Variants in GSTM4 observed in about 807,000 individuals in gnomAD.
GSTM4 encodes glutathione S-transferase mu 4, also known as GST class-mu 4.
In GSTM4, 27 loss-of-function variants were observed where a neutral mutation model predicts 30.1. The observed-to-expected ratio is 0.90, with a 90% confidence interval of 0.66 to 1.24. GSTM4 has a LOEUF of 1.24. Ranked by LOEUF, GSTM4 falls within the 50% of genes most tolerant of loss-of-function variation. GSTM4 has a pLI of 0.00. For missense variants in GSTM4, 238 were observed against 272.1 expected (o/e 0.87, Z 0.88); for synonymous variants, 94 against 96.2 (o/e 0.98, Z 0.13).
chr1:109,667,443 C>T (rs1257475406), downstream of GSTM4, among the ~76,000 whole-genome samples: 3 of 152,176 alleles, frequency 2.0e-5, no homozygotes, highest in East Asian at 5.8e-4. Flanking sequence ...TCCACCAGCC[C>T]CTGCTCCCCA....
chr1:109,656,988 G>C, intron 2 of GSTM4: 4 of 780,420 alleles, frequency 5.1e-6, no homozygotes, highest in Non-Finnish European at 9.0e-6. Context: ...TGTTTAATTG[G>C]GTTGGGTGTC....
downstream of GSTM4, chr1:109,665,078 T>G (rs1647274596): frequency 1.8e-6 from 2 of 1,118,966 alleles, no homozygotes; most frequent in Non-Finnish European, 2.7e-6. Context: ...GATGCTCAGA[T>G]GGCAGGTAAA....
chr1:109,661,111 C>G, intron 7 of GSTM4, 54 bp from the exon 8 acceptor site: 2 of 1,604,588 alleles, frequency 1.2e-6, no homozygotes, highest in Non-Finnish European at 1.7e-6. Context: ...GGGGTTGTCC[C>G]AGCCCTCATG....
Position 109,656,762 on chromosome 1 carries a change from G to A in GSTM4, c.87G>A (p.Glu29=). Residue 29 remains glutamate, a synonymous_variant, in exon 2 of 8, where the codon GAG becomes GAA. Transcript: ENST00000369836. ...LLLEYTDSSY[E]EKKYTMGDAP... is the part of the protein sequence containing the mutation. The stretch of plus-strand genomic sequence containing the variant: ...TGGAATACACAGACTCAAGCTACGA[G>A]GAAAAGAAGTATACGATGGGGGACG... 2 of 1,614,082 alleles carry A rather than the reference G, an allele frequency of 1.2e-6. No homozygotes were observed. Among genetic ancestry groups the A allele is most frequent in the Non-Finnish European group, 1.7e-6 (2 of 1,179,994 alleles).
intron 5 of GSTM4, 71 bp from the exon 6 acceptor site, chr1:109,658,743 C>G: frequency 6.3e-6 from 7 of 1,118,860 alleles, no homozygotes; most frequent in Non-Finnish European, 9.6e-6. Context: ...GGGCCATACA[C>G]AGCCCTGGGG....
intron 3 of GSTM4, 35 bp from the exon 4 acceptor site, chr1:109,657,555 C>T: frequency 6.2e-7 from 1 of 1,614,182 alleles, no homozygotes; most frequent in Non-Finnish European, 8.5e-7. Flanking sequence ...AGCCTGCTGG[C>T]CCAACTGAGC....
At position 109,659,011 on chromosome 1, in the gene GSTM4, A is replaced by G. The variant is rs140405674; in HGVS notation, c.468A>G (p.Val156=). Residue 156 remains valine (V), a synonymous_variant, in exon 7 of 8, where the codon GTA becomes GTG. Coordinates refer to ENST00000369836, the MANE Select transcript of GSTM4 (RefSeq NM_000850.5). ...PWFVGDKITF[V]DFLAYDVLDL... ...TTGGCCTTCTGCAGATCACCTTTGT[A>G]GATTTCCTCGCCTATGATGTCCTTG... The G allele has an allele frequency of 2.0e-5, 33 of 1,614,094 alleles. 1 individual carries two copies. The highest frequency in any genetic ancestry group is 1.2e-4 in the African/African-American group (9 of 74,934).
chr1:109,656,399 A>G lies in GSTM4; in HGVS notation c.10A>G (p.Thr4Ala), dbSNP rs759039447. The change falls in exon 1 of 8, where the codon ACA becomes GCA. Residue 4 changes from threonine (T) to alanine (A), a missense_variant. Thr to Ala is a moderately conservative substitution (Grantham distance 58). Coordinates refer to ENST00000369836, the MANE Select transcript of GSTM4 (RefSeq NM_000850.5). ...GACACCAACCAGCATCATGTCCATGACACTGGGGTACTGGGACATCCGCGG... is the reference window on the plus strand; with the variant it reads ...GACACCAACCAGCATCATGTCCATGGCACTGGGGTACTGGGACATCCGCGG... MSM[T>A]LGYWDIRGLA... 4 of 1,613,572 alleles carry G rather than the reference A, an allele frequency of 2.5e-6. No homozygotes were observed. The highest frequency in any genetic ancestry group is 3.3e-5 in the Admixed American group (2 of 60,006).
At chr1:109,656,609 G>C in intron 1 of GSTM4, 103 bp from the exon 2 acceptor site, 1 of 735,798 alleles carries the variant, frequency 1.4e-6, no homozygotes, top group South Asian at 1.4e-5. Context: ...GGGGTGGGGG[G>C]GGGGTGCAGT....
chr1:109,660,502 GT>G (rs1652260172), intron 7 of GSTM4: 1 of 153,916 alleles, frequency 6.5e-6, no homozygotes. Flanking sequence ...CTGGTCTGGC[GT>G]TTCTTTTGCT....
chr1:109,657,732 G>A (rs774894449), intron 4 of GSTM4, 40 bp from the exon 5 acceptor site: 2 of 1,614,034 alleles, frequency 1.2e-6, no homozygotes, highest in East Asian at 4.5e-5. Flanking sequence ...CTGGATTGGG[G>A]TGCTATGCTC....
chr1:109,657,529 G>A, intron 3 of GSTM4, 61 bp from the exon 4 acceptor site: 1 of 1,610,672 alleles, frequency 6.2e-7, no homozygotes, highest in Non-Finnish European at 8.5e-7. Flanking sequence ...TTGCATATGG[G>A]AAGGGGATGC....
intron 7 of GSTM4, chr1:109,660,923 C>A: frequency 3.6e-6 from 2 of 557,614 alleles, no homozygotes; most frequent in Non-Finnish European, 6.5e-6. Context: ...TACAGAGCAC[C>A]CAGCACCGGG....
At chr1:109,663,740 C>A (rs1652381212), downstream of GSTM4, among the ~76,000 whole-genome samples, 1 of 152,178 alleles carries the variant, frequency 6.6e-6, no homozygotes, top group East Asian at 1.9e-4. Flanking sequence ...AAAGCATGCT[C>A]ATATGTCTTA....
At chr1:109,666,176 G>A (rs1472425391), downstream of GSTM4, among the ~76,000 whole-genome samples, 1 of 151,802 alleles carries the variant, frequency 6.6e-6, no homozygotes, top group Non-Finnish European at 1.5e-5. Context: ...TTGCAGCCTC[G>A]ACTTCTCAGG....
Position 109,656,121 on chromosome 1 carries a change from C to T in GSTM4, c.-269C>T, listed in dbSNP as rs184672013. ...CTCCTAGTGCTTCCGGACCTTGCTC[C>T]CTGAACACTCGGAGGTGGCGGTGGA... On this transcript the variant is annotated 5_prime_UTR_variant, in exon 1 of 8. Coordinates refer to ENST00000369836, the MANE Select transcript of GSTM4 (RefSeq NM_000850.5). 3 of 462,330 alleles carry T rather than the reference C, an allele frequency of 6.5e-6. No individual in the cohort carries two copies. The highest frequency in any genetic ancestry group is 8.0e-6 in the Non-Finnish European group (2 of 249,060). 28.6% of individuals were successfully genotyped at this position (462,330 alleles called of 1,614,324 possible).
intron 7 of GSTM4, chr1:109,660,027 C>T (rs573385351): frequency 5.1e-5 from 10 of 197,128 alleles, no homozygotes; most frequent in Admixed American, 1.8e-4. Context: ...ATCCCTCACC[C>T]GTGCTGAATT....
downstream of GSTM4, among the ~76,000 whole-genome samples, chr1:109,663,210 G>A (rs934383482): frequency 2.0e-5 from 3 of 152,178 alleles, no homozygotes. Flanking sequence ...CAGATGATTG[G>A]TGACCTTGGT....
In GSTM4 at chr1:109,661,637, GC is replaced by G. The variant is rs1652329652; in HGVS notation, c.*386del. The G allele has an allele frequency of 8.6e-7, 1 of 1,167,096 alleles. No individual in the cohort carries two copies. The highest frequency in any genetic ancestry group is 4.3e-5 in the Admixed American group (1 of 23,378). The allele number at this position is 1,167,096 out of a possible 1,614,324, so 72.3% of individuals were successfully genotyped here. On this transcript the variant is annotated 3_prime_UTR_variant, in exon 8 of 8. Transcript: ENST00000369836. ...CATGACAGCATTGACTGGTTTACAGGCCCTGCTCCTGCAGCATGGCCCCTGC... is the reference window on the plus strand; with the variant it reads ...CATGACAGCATTGACTGGTTTACAGGCCTGCTCCTGCAGCATGGCCCCTGC...
Sources: gnomAD v4.1 joint callset for allele counts (sites outside exome capture counted in the v4.1 genomes callset) on GRCh38, gnomAD v4.1.1 for gene constraint, MANE v1.5 for transcripts, NCBI Gene and HGNC (gene_info 2026-07-23, HGNC 2026-07-21) for gene names.